WASF3: variants seen among roughly 807,000 people sequenced by gnomAD.
WASF3 encodes the protein actin-binding protein WASF3.
A neutral mutation model predicts 46.6 loss-of-function variants in WASF3; 11 were observed. That is an observed-to-expected ratio of 0.24 (90% CI 0.15 to 0.39). The LOEUF (loss-of-function observed/expected upper bound fraction) is 0.39. Ranked by LOEUF, WASF3 falls within the 10% of genes least tolerant of loss-of-function variation. The probability of loss-of-function intolerance (pLI) is 1.00; values close to 1 mark genes in which losing one functional copy is unlikely to be tolerated. For synonymous variants in WASF3, 242 were observed against 259.7 expected (o/e 0.93, Z 0.65); for missense variants, 576 against 669.8 (o/e 0.86, Z 1.55).
intron 1 of WASF3, among the ~76,000 whole-genome samples, chr13:26,558,054 C>A (rs1378671949): frequency 6.6e-6 from 1 of 151,584 alleles, no homozygotes; most frequent in South Asian, 2.1e-4. Context: ...AGGGGCTTCT[C>A]GCCGTCACGG....
At chr13:26,683,955 T>C (rs1181373942) in intron 9 of WASF3, among the ~76,000 whole-genome samples, 1 of 152,180 alleles carries the variant, frequency 6.6e-6, no homozygotes, top group Non-Finnish European at 1.5e-5. Context: ...TTCTCGCCTG[T>C]GGGGAGCTGC....
chr13:26,574,989 A>G (rs1469063479), intron 1 of WASF3, among the ~76,000 whole-genome samples: 1 of 151,994 alleles, frequency 6.6e-6, no homozygotes, highest in East Asian at 1.9e-4. Flanking sequence ...GGCACCTGCC[A>G]CCACGCCCGG....
At chr13:26,575,040 GT>G (rs1879752544) in intron 1 of WASF3, among the ~76,000 whole-genome samples, 1 of 152,078 alleles carries the variant, frequency 6.6e-6, no homozygotes, top group African/African-American at 2.4e-5. Flanking sequence ...GTTACACTGT[GT>G]TAGCCAGGAT....
At chr13:26,662,867 TCATACA>T (rs59001910) in intron 3 of WASF3, among the ~76,000 whole-genome samples, 137,905 of 151,328 alleles carry the variant, frequency 0.91, 63,426 homozygotes, top group East Asian at 0.98. Flanking sequence ...GCCCTCTGTG[TCATACA>T]CATACACATA....
chr13:26,574,023 A>G (rs182642225), intron 1 of WASF3, among the ~76,000 whole-genome samples: 3 of 151,682 alleles, frequency 2.0e-5, no homozygotes, highest in Admixed American at 2.0e-4. Context: ...TCATTTGTCC[A>G]CCTCTCCTTA....
chr13:26,675,956 G>A (rs1327144686), intron 6 of WASF3, among the ~76,000 whole-genome samples: 1 of 152,172 alleles, frequency 6.6e-6, no homozygotes, highest in Non-Finnish European at 1.5e-5. Flanking sequence ...ACCTGTTTAA[G>A]AACTAAGTAT....
At chr13:26,654,554 G>A in intron 3 of WASF3, among the ~76,000 whole-genome samples, 1 of 152,164 alleles carries the variant, frequency 6.6e-6, no homozygotes, top group Non-Finnish European at 1.5e-5. Context: ...CAAGGACAAG[G>A]CCTGATACAC....
chr13:26,654,798 C>T (rs2137440110), intron 3 of WASF3, among the ~76,000 whole-genome samples: 1 of 152,176 alleles, frequency 6.6e-6, no homozygotes, highest in East Asian at 1.9e-4. Context: ...GACTTTGGGC[C>T]ATTTTTCCTA....
At chr13:26,633,662 G>C (rs917456012) in intron 2 of WASF3, among the ~76,000 whole-genome samples, 1 of 152,164 alleles carries the variant, frequency 6.6e-6, no homozygotes, top group Non-Finnish European at 1.5e-5. Flanking sequence ...ACTGCTTTAA[G>C]TGTGTCCCAG....
At chr13:26,631,052 T>C (rs1472288233) in intron 2 of WASF3, among the ~76,000 whole-genome samples, 2 of 152,234 alleles carry the variant, frequency 1.3e-5, no homozygotes, top group African/African-American at 4.8e-5. Context: ...TTCTGGATAT[T>C]AGCCCTTTGT....
chr13:26,667,693 G>A (rs1404638132), intron 5 of WASF3, 23 bp downstream of exon 5: 2 of 1,608,726 alleles, frequency 1.2e-6, no homozygotes, highest in Non-Finnish European at 1.7e-6. Flanking sequence ...GAGTCCCAGA[G>A]CCTCTCCTTG....
At chr13:26,577,423 C>A in intron 1 of WASF3, 1 of 794,116 alleles carries the variant, frequency 1.3e-6, no homozygotes, top group Non-Finnish European at 2.3e-6. Context: ...AGAAAAATGA[C>A]TTGAAAGAAG....
At chr13:26,590,665 C>T (rs970711404) in intron 1 of WASF3, among the ~76,000 whole-genome samples, 11 of 152,286 alleles carry the variant, frequency 7.2e-5, no homozygotes, top group East Asian at 3.9e-4. Context: ...TATTTCTCTG[C>T]GTTCTTCTAT....
rs77452199 is a variant in WASF3 at position 26,646,573 on chromosome 13, A to G, written c.133+4170A>G. Among the ~76,000 whole-genome samples, 1,057 of 152,212 alleles carry G rather than the reference A, an allele frequency of 6.9e-3. 9 individuals carry two copies. Among genetic ancestry groups the G allele is most frequent in the African/African-American group, 0.024 (979 of 41,532 alleles). On this transcript the variant is annotated intron_variant, in intron 3 of 9. Transcript: ENST00000335327. ...CTTACCTCCACTCCCCACAGCAGAA[A>G]ATCATTTTCAGGTACAGATTGGGAT...
chr13:26,645,837 G>T (rs868212031), intron 3 of WASF3, among the ~76,000 whole-genome samples: 13 of 152,130 alleles, frequency 8.5e-5, no homozygotes, highest in Middle Eastern at 6.8e-3. Flanking sequence ...TTATTGAGGG[G>T]TCATCCAGTT....
rs546173218 is a variant in WASF3, at chr13:26,644,275, G to A, written c.133+1872G>A. Among the ~76,000 whole-genome samples the A allele has an allele frequency of 1.6e-4, 25 of 152,298 alleles. No individual in the cohort carries two copies. The South Asian group carries it at 3.3e-3, about 20-fold the overall frequency. On this transcript the variant is annotated intron_variant, in intron 3 of 9. Transcript: ENST00000335327. Reference sequence around the variant, plus strand: ...CATTAGTTTTAGCCCAGTGAAATTCGTTTCTGACTTCTGACATCCAGAACT... The same window carrying A: ...CATTAGTTTTAGCCCAGTGAAATTCATTTCTGACTTCTGACATCCAGAACT...
chr13:26,554,036 TTTCTTTCCTTCC>T (rs1333526745), upstream of WASF3, among the ~76,000 whole-genome samples: 390 of 71,626 alleles, frequency 5.4e-3, 23 homozygotes, highest in Admixed American at 0.011. Context: ...CTTCTTTCTC[TTTCTTTCCTTCC>T]TTCCTTCCTT....
At chr13:26,660,194 G>GTTTTTTTTTTTTTTTTT (rs71080285) in intron 3 of WASF3, among the ~76,000 whole-genome samples, 6 of 43,376 alleles carry the variant, frequency 1.4e-4, no homozygotes, top group African/African-American at 4.5e-4. Flanking sequence ...TTTTTGTTTG[G>GTTTTTTTTTTTTTTTTT]TTTTTTTTTT....
intron 2 of WASF3, among the ~76,000 whole-genome samples, chr13:26,633,200 C>CTTTCTTTT (rs1555252679): frequency 2.2e-5 from 2 of 90,436 alleles, no homozygotes; most frequent in Middle Eastern, 7.6e-3. Flanking sequence ...TTAGTTATTT[C>CTTTCTTTT]TTTTTTTTTT....
Sources: gnomAD v4.1 joint callset for allele counts (sites outside exome capture counted in the v4.1 genomes callset) on GRCh38, gnomAD v4.1.1 for gene constraint, MANE v1.5 for transcripts, NCBI Gene and HGNC (gene_info 2026-07-23, HGNC 2026-07-21) for gene names.